TTLL9: variants seen among roughly 807,000 people sequenced by gnomAD.
The protein encoded by TTLL9 is tubulin tyrosine ligase like 9, also known as probable tubulin polyglutamylase TTLL9.
In TTLL9, 47 loss-of-function variants were observed where a neutral mutation model predicts 65.6. The observed-to-expected ratio is 0.72, with a 90% CI of 0.57 to 0.91. The LOEUF (loss-of-function observed/expected upper bound fraction) is 0.91, where lower values mean the gene tolerates loss of function less well. Among genes scored for constraint, TTLL9 ranks in the 40% least tolerant of loss-of-function variants. The pLI is 0.00. For missense variants in TTLL9, 537 were observed against 568.8 expected, an observed-to-expected ratio of 0.94 and a Z score of 0.57; for synonymous variants, 179 against 204.8, an observed-to-expected ratio of 0.87 and a Z score of 1.07.
At chr20:31,878,152 AT>A (rs1395824118) in intron 2 of TTLL9, among the ~76,000 whole-genome samples, 4 of 152,194 alleles carry the variant, frequency 2.6e-5, no homozygotes, top group African/African-American at 9.7e-5. Flanking sequence ...CCAATCAGCT[AT>A]GGTTGGTATA....
Position 31,890,100 on chromosome 20 carries a change from C to CCCTTCCTTCCTT in TTLL9, c.113+2907_113+2918dup, listed in dbSNP as rs1286424316. Reference sequence around the variant, plus strand: ...TCTTGCTTTCTTGCTTTCTTTCCCTCCCTTCCTTCCTTCCTTCCTTCCTTC... The same window carrying CCCTTCCTTCCTT: ...TCTTGCTTTCTTGCTTTCTTTCCCTCCCTTCCTTCCTTCCTTCCTTCCTTCCTTCCTTCCTTC... On this transcript the variant is annotated intron_variant, in intron 3 of 14. Transcript: ENST00000535842. Among the ~76,000 whole-genome samples the CCCTTCCTTCCTT allele has an allele frequency of 2.4e-3, 119 of 50,020 alleles. 2 individuals carry two copies. Among genetic ancestry groups the CCCTTCCTTCCTT allele is most frequent in the East Asian group, 5.6e-3 (12 of 2,142 alleles). 32.8% of individuals were successfully genotyped at this position (50,020 alleles called of 152,430 possible).
At chr20:31,917,844 G>C (rs1024763485) in intron 6 of TTLL9, among the ~76,000 whole-genome samples, 2 of 152,196 alleles carry the variant, frequency 1.3e-5, no homozygotes, top group Admixed American at 1.3e-4. Flanking sequence ...CCTTCTGGCT[G>C]AGTTAGGTCA....
At chr20:31,917,963 G>C (rs2063759833) in intron 6 of TTLL9, among the ~76,000 whole-genome samples, 1 of 152,148 alleles carries the variant, frequency 6.6e-6, no homozygotes. Context: ...CTGGGAGGGA[G>C]AGTTGTGTGT....
intron 3 of TTLL9, among the ~76,000 whole-genome samples, chr20:31,892,968 G>GA (rs1444784107): frequency 1.3e-5 from 2 of 151,890 alleles, no homozygotes; most frequent in African/African-American, 4.8e-5. Flanking sequence ...ATAGCTACTT[G>GA]AATTTTTTTT....
intron 6 of TTLL9, among the ~76,000 whole-genome samples, chr20:31,910,689 C>A (rs2063633403): frequency 6.6e-6 from 1 of 152,168 alleles, no homozygotes; most frequent in Non-Finnish European, 1.5e-5. Flanking sequence ...AATGAGTTAA[C>A]ACAGGTAAAG....
intron 3 of TTLL9, among the ~76,000 whole-genome samples, chr20:31,897,320 T>C (rs1179765616): frequency 1.3e-5 from 2 of 151,426 alleles, no homozygotes; most frequent in Non-Finnish European, 2.9e-5. Context: ...GTAGAGCTGT[T>C]AGTAGCATTT....
At chr20:31,931,046 A>C (rs1047952668) in intron 10 of TTLL9, among the ~76,000 whole-genome samples, 4 of 148,804 alleles carry the variant, frequency 2.7e-5, no homozygotes, top group Admixed American at 6.7e-5. Context: ...CTCTTCAGCC[A>C]GTAACTTACT....
In TTLL9 at chr20:31,873,809, GAAGGAAGGAAGGAAGAAAGAAAGA is replaced by G. The variant is rs1431950569; in HGVS notation, c.69+2618_69+2641del. Among the ~76,000 whole-genome samples, 211 of 75,428 alleles carry G rather than the reference GAAGGAAGGAAGGAAGAAAGAAAGA, an allele frequency of 2.8e-3. 1 individual carries two copies. Among genetic ancestry groups the G allele is most frequent in the African/African-American group, 3.6e-3 (73 of 20,004 alleles). 49.5% of individuals were successfully genotyped at this position (75,428 alleles called of 152,430 possible). The stretch of plus-strand genomic sequence containing the variant: ...AAAAGAAAGAAAGGAAGGAAGGAAG[GAAGGAAGGAAGGAAGAAAGAAAGA>G]AAGAAAGAAAGAAAGAAAGAAAGAA... On this transcript the variant is annotated intron_variant, in intron 2 of 14. Transcript: ENST00000535842.
At chr20:31,914,937 T>C (rs560131978) in intron 6 of TTLL9, among the ~76,000 whole-genome samples, 64 of 152,352 alleles carry the variant, frequency 4.2e-4, no homozygotes, top group African/African-American at 1.1e-3. Context: ...TGCATTGTCA[T>C]GGCCACCACA....
At chr20:31,873,737 A>AGAAAGAAG (rs1317833818) in intron 2 of TTLL9, among the ~76,000 whole-genome samples, 2 of 133,608 alleles carry the variant, frequency 1.5e-5, no homozygotes, top group Admixed American at 7.5e-5. Flanking sequence ...AAAGAAAGAA[A>AGAAAGAAG]AAGGAAGGAA....
In TTLL9 at chr20:31,894,720, T is replaced by TAC. The variant is rs10582768; in HGVS notation, c.114-3729_114-3728dup. 5.4e-3 allele frequency among the ~76,000 whole-genome samples: 806 copies of TAC among 148,990 alleles called. 4 individuals carry two copies. The highest frequency in any genetic ancestry group is 0.026 in the South Asian group (119 of 4,666). On this transcript the variant is annotated intron_variant, in intron 3 of 14. Transcript: ENST00000535842. ...CACTTTATATATATATACATGTATATACACACACACACACACACACACACA... is the reference window on the plus strand; with the variant it reads ...CACTTTATATATATATACATGTATATACACACACACACACACACACACACACA...
chr20:31,894,722 C>T (rs996192731), intron 3 of TTLL9, among the ~76,000 whole-genome samples: 70 of 86,674 alleles, frequency 8.1e-4, no homozygotes, highest in Admixed American at 2.0e-3. Flanking sequence ...CATGTATATA[C>T]ACACACACAC....
At chr20:31,889,850 A>G (rs1057199235) in intron 3 of TTLL9, among the ~76,000 whole-genome samples, 2 of 151,666 alleles carry the variant, frequency 1.3e-5, no homozygotes, top group Non-Finnish European at 2.9e-5. Context: ...GATTACAGGC[A>G]TGAGCCTTCA....
chr20:31,884,836 T>C (rs1358721700), intron 2 of TTLL9, among the ~76,000 whole-genome samples: 2 of 152,244 alleles, frequency 1.3e-5, no homozygotes, highest in Admixed American at 6.5e-5. Flanking sequence ...CTTAATTCCA[T>C]CTGCAATTTT....
chr20:31,897,592 C>A (rs2063405523), intron 3 of TTLL9, among the ~76,000 whole-genome samples: 1 of 152,190 alleles, frequency 6.6e-6, no homozygotes, highest in Non-Finnish European at 1.5e-5. Context: ...TACGGCCAGA[C>A]TGGGGAGGAA....
chr20:31,911,564 T>A (rs1181742705), intron 6 of TTLL9, among the ~76,000 whole-genome samples: 3 of 152,202 alleles, frequency 2.0e-5, no homozygotes, highest in Non-Finnish European at 4.4e-5. Flanking sequence ...CCATCCTGCA[T>A]CTCTGGTGTC....
In TTLL9 at chr20:31,943,947, G is replaced by A. The variant is rs1343763489; in HGVS notation, c.*926G>A. 2.4e-6 allele frequency: 1 copy of A among 412,412 alleles called. No homozygotes were observed. The highest frequency in any genetic ancestry group is 2.0e-5 in the African/African-American group (1 of 49,014). The allele number at this position is 412,412 out of a possible 1,614,324, so 25.5% of individuals were successfully genotyped here. ...GGGGCTGTTGGGGTAACTGTTCCAG[G>A]GGGGACTTACTCCCTCTACCACTCC... is the stretch of plus-strand genomic sequence containing the variant. On this transcript the variant is annotated 3_prime_UTR_variant, in exon 15 of 15. Coordinates refer to ENST00000535842, the MANE Select transcript of TTLL9 (RefSeq NM_001008409.5).
chr20:31,879,575 A>C (rs1017583139), intron 2 of TTLL9: 10 of 395,920 alleles, frequency 2.5e-5, no homozygotes, highest in African/African-American at 6.1e-5. Context: ...TCCCAGTTTA[A>C]GGAAAGTGCA....
intron 10 of TTLL9, among the ~76,000 whole-genome samples, chr20:31,928,424 A>T (rs1012787289): frequency 1.3e-5 from 2 of 151,980 alleles, no homozygotes; most frequent in Admixed American, 1.3e-4. Flanking sequence ...CCACATTCGC[A>T]TCAGATATTA....
Sources: allele counts gnomAD v4.1 joint callset (sites outside exome capture counted in the v4.1 genomes callset), GRCh38; gene constraint gnomAD v4.1.1; transcripts MANE v1.5; gene names NCBI Gene and HGNC (gene_info 2026-07-23, HGNC 2026-07-21).